The following TNFRSF25 variants were observed in gnomAD, a reference collection of about 807,000 sequenced individuals.
TNFRSF25 encodes TNF receptor superfamily member 25, also known as tumor necrosis factor receptor superfamily member 25.
In TNFRSF25, 28 loss-of-function variants were observed where a neutral mutation model predicts 49.4. The ratio of observed to expected loss-of-function variants is 0.57; its 90% CI spans 0.42 to 0.78. The LOEUF (loss-of-function observed/expected upper bound fraction) is 0.78, where lower values mean the gene tolerates loss of function less well. Among genes scored for constraint, TNFRSF25 ranks in the 30% least tolerant of loss-of-function variants. The pLI, the probability that TNFRSF25 is intolerant of heterozygous loss-of-function variation, is 0.00. For synonymous variants in TNFRSF25, 240 were observed against 234.2 expected (o/e 1.02, Z -0.23); for missense variants, 531 against 581.6 (o/e 0.91, Z 0.90).
Position 6,465,242 on chromosome 1 carries a change from T to A in TNFRSF25, c.161-20A>T, listed in dbSNP as rs767103246. ...AGTGCCCTGTGGAACCAGGCAGGGG[T>A]CAGGCAGGCAGAGGGGCTGCCCAGC... is the stretch of plus-strand genomic sequence containing the variant. On this transcript the variant is annotated intron_variant, in intron 2 of 9. Transcript: ENST00000356876. The A allele has an allele frequency of 1.3e-6, 2 of 1,598,726 alleles. No homozygotes were observed. The highest frequency in any genetic ancestry group is 8.5e-7 in the Non-Finnish European group (1 of 1,173,318).
chr1:6,463,906 GA>G (rs1644256683), intron 5 of TNFRSF25: 2 of 174,724 alleles, frequency 1.1e-5, no homozygotes, highest in African/African-American at 4.8e-5. Flanking sequence ...GCACAGTCCT[GA>G]CTCTCAGCCC....
chr1:6,461,239 C>A lies in TNFRSF25; in HGVS notation c.*195G>T. The A allele has an allele frequency of 4.0e-6, 3 of 755,404 alleles. No homozygotes were observed. The Admixed American group carries it at 6.0e-5, about 15-fold the overall frequency. 46.8% of individuals were successfully genotyped at this position (755,404 alleles called of 1,614,324 possible). A position where few individuals can be genotyped will look rare whatever the true frequency, so the allele number is the denominator to read the frequency against. On this transcript the variant is annotated 3_prime_UTR_variant, in exon 10 of 10. Transcript: ENST00000356876. The surrounding 1 kb of genome is among the most constrained non-coding windows in gnomAD (Gnocchi z 6.3). Reference sequence around the variant, plus strand: ...AGAAGTTGAGAAATGTCTTCACCCCCTCTCGACATTCGTTCGTGCTTCTTC... The same window carrying A: ...AGAAGTTGAGAAATGTCTTCACCCCATCTCGACATTCGTTCGTGCTTCTTC...
At chr1:6,465,901 C>A in intron 1 of TNFRSF25, 168 bp downstream of exon 1, 2 of 1,426,404 alleles carry the variant, frequency 1.4e-6, no homozygotes, top group Non-Finnish European at 1.8e-6. Flanking sequence ...GGGGTTTCCT[C>A]TCAGTGGAAG....
At position 6,461,229 on chromosome 1, in the gene TNFRSF25, T is replaced by A; in HGVS notation, c.*205A>T. ...ACTCCGGCCGAGAAGTTGAGAAATG[T>A]CTTCACCCCCTCTCGACATTCGTTC... On this transcript the variant is annotated 3_prime_UTR_variant, in exon 10 of 10. Coordinates refer to ENST00000356876, the MANE Select transcript of TNFRSF25 (RefSeq NM_003790.3). This position sits in a 1 kb window ranked among gnomAD's most constrained non-coding sequence, Gnocchi z 6.3. 1 of 740,976 alleles carries A rather than the reference T, an allele frequency of 1.3e-6. No homozygotes were observed. The highest frequency in any genetic ancestry group is 2.5e-6 in the Non-Finnish European group (1 of 407,806). 45.9% of individuals were successfully genotyped at this position (740,976 alleles called of 1,614,324 possible). A position where few individuals can be genotyped will look rare whatever the true frequency, so the allele number is the denominator to read the frequency against.
intron 4 of TNFRSF25, 41 bp downstream of exon 4, chr1:6,464,511 A>C: frequency 6.2e-7 from 1 of 1,613,248 alleles, no homozygotes; most frequent in Non-Finnish European, 8.5e-7. Flanking sequence ...GGCAGGGAGA[A>C]GGGGGTCTGG....
At position 6,461,865 on chromosome 1, in the gene TNFRSF25, T is replaced by C; in HGVS notation, c.926-103A>G. On this transcript the variant is annotated intron_variant, in intron 9 of 9. Coordinates refer to ENST00000356876, the MANE Select transcript of TNFRSF25 (RefSeq NM_003790.3). This position sits in a 1 kb window ranked among gnomAD's most constrained non-coding sequence, Gnocchi z 6.3. Reference sequence around the variant, plus strand: ...TACCCCAGGGCTGAAGCCCGCTGGATCCGGTGGGTCAGGGCATAGGGCGGA... The same window carrying C: ...TACCCCAGGGCTGAAGCCCGCTGGACCCGGTGGGTCAGGGCATAGGGCGGA... The C allele has an allele frequency of 2.1e-6, 3 of 1,455,206 alleles. No individual in the cohort carries two copies. The highest frequency in any genetic ancestry group is 1.8e-6 in the Non-Finnish European group (2 of 1,105,608). The allele number at this position is 1,455,206 out of a possible 1,614,324, so 90.1% of individuals were successfully genotyped here.
chr1:6,462,079 G>A lies in TNFRSF25; in HGVS notation c.840C>T (p.Ser280=). ...KICTVQLVGN[S]WTPGYPETQE... Reference sequence around the variant, plus strand: ...GGGTCTCGGGGTAGCCAGGGGTCCAGCTGTTACCCACCAACTGGACGGTGC... The same window carrying A: ...GGGTCTCGGGGTAGCCAGGGGTCCAACTGTTACCCACCAACTGGACGGTGC... Residue 280 remains serine (S), a synonymous_variant, in exon 9 of 10, where the codon AGC becomes AGT. Coordinates refer to ENST00000356876, the MANE Select transcript of TNFRSF25 (RefSeq NM_003790.3). This position sits in a 1 kb window ranked among gnomAD's most constrained non-coding sequence, Gnocchi z 4.2. 2 of 1,613,966 alleles carry A rather than the reference G, an allele frequency of 1.2e-6. No individual in the cohort carries two copies. The highest frequency in any genetic ancestry group is 2.2e-5 in the East Asian group (1 of 44,880).
intron 5 of TNFRSF25, 89 bp from the exon 6 acceptor site, chr1:6,463,216 G>A: frequency 7.5e-7 from 1 of 1,335,160 alleles, no homozygotes; most frequent in South Asian, 1.3e-5. Context: ...CCATCCTAGA[G>A]ACCCTTCCCT....
In TNFRSF25 at chr1:6,464,393, C is replaced by T; in HGVS notation, c.524G>A (p.Gly175Asp). 6.2e-7 allele frequency: 1 copy of T among 1,610,640 alleles called. No individual in the cohort carries two copies. The highest frequency in any genetic ancestry group is 8.5e-7 in the Non-Finnish European group (1 of 1,178,722). The change falls in exon 5 of 10, where the codon GGC becomes GAC. Residue 175 changes from glycine (G) to aspartate (D), a missense_variant. By Grantham distance (94) the Gly-to-Asp change is moderately conservative. Transcript: ENST00000356876. ...CLPGFYEHGD[G>D]CVSCPTSTLG... The stretch of plus-strand genomic sequence containing the variant: ...GAATTACGTGGGGCAGGACACGCAG[C>T]CATCGCCATGTTCATAGAAGCCAGG...
In TNFRSF25 at chr1:6,461,604, C is replaced by G. The variant is rs746134438; in HGVS notation, c.1084G>C (p.Glu362Gln). 4 of 1,610,134 alleles carry G rather than the reference C, an allele frequency of 2.5e-6. No homozygotes were observed. In the South Asian group the frequency reaches 3.3e-5, roughly 13 times the overall value. ...CGGCCGATCTCCACCTCCACGGCTT[C>G]GATCTCTGCCTCGCGCAGCCCCAGC... ...RTLGLREAEIEAVEVEIGRFR... is the reference protein window; with the variant it reads ...RTLGLREAEIQAVEVEIGRFR... Residue 362 changes from glutamate to glutamine, a missense_variant, in exon 10 of 10, where the codon GAA becomes CAA. Glu to Gln is a conservative substitution (Grantham distance 29). Transcript: ENST00000356876. The surrounding 1 kb of genome is among the most constrained non-coding windows in gnomAD (Gnocchi z 6.3).
rs1209167785 is a variant in TNFRSF25, at chr1:6,461,304, G to A, written c.*130C>T. 6.6e-6 allele frequency: 8 copies of A among 1,211,214 alleles called. No individual in the cohort carries two copies. The highest frequency in any genetic ancestry group is 2.0e-5 in the Admixed American group (1 of 48,896). The allele number at this position is 1,211,214 out of a possible 1,614,324, so 75.0% of individuals were successfully genotyped here. ...GATAGGGGCGAGCAGGGGTGGGGCC[G>A]GCTGGTGCTGCTACGCAGGGCCGTG... On this transcript the variant is annotated 3_prime_UTR_variant, in exon 10 of 10. Transcript: ENST00000356876. The surrounding 1 kb of genome is among the most constrained non-coding windows in gnomAD (Gnocchi z 6.3).
intron 3 of TNFRSF25, 150 bp from the exon 4 acceptor site, chr1:6,464,869 A>C: frequency 2.4e-6 from 3 of 1,244,280 alleles, no homozygotes; most frequent in Admixed American, 5.0e-5. Context: ...AGAGAAGCTC[A>C]GAGATTAAGG....
Position 6,461,825 on chromosome 1 carries a change from G to T in TNFRSF25, c.926-63C>A. ...GGCCGCGGTCGGGAGGCAGAGTCAGGGGCGTTCGTGCGGGTACCCCAGGGC... is the reference window on the plus strand; with the variant it reads ...GGCCGCGGTCGGGAGGCAGAGTCAGTGGCGTTCGTGCGGGTACCCCAGGGC... On this transcript the variant is annotated intron_variant, in intron 9 of 9. Transcript: ENST00000356876. The surrounding 1 kb of genome is among the most constrained non-coding windows in gnomAD (Gnocchi z 6.3). 6.8e-7 allele frequency: 1 copy of T among 1,460,216 alleles called. No homozygotes were observed. Among genetic ancestry groups the T allele is most frequent in the South Asian group, 1.4e-5 (1 of 72,662 alleles). The allele number at this position is 1,460,216 out of a possible 1,614,324, so 90.5% of individuals were successfully genotyped here. A position where few individuals can be genotyped will look rare whatever the true frequency, so the allele number is the denominator to read the frequency against.
At chr1:6,465,980 G>A in intron 1 of TNFRSF25, 89 bp downstream of exon 1, 12 of 1,509,512 alleles carry the variant, frequency 7.9e-6, no homozygotes, top group East Asian at 2.6e-5. Flanking sequence ...GTGAGGCTTG[G>A]AGTGGAGACG....
intron 5 of TNFRSF25, chr1:6,463,397 A>G (rs1367872869): frequency 1.0e-5 from 6 of 572,996 alleles, no homozygotes; most frequent in Non-Finnish European, 1.6e-5. Flanking sequence ...CCCAGCACCT[A>G]GAACAGTGTG....
chr1:6,462,946 GC>G lies in TNFRSF25; in HGVS notation c.622del (p.Ala208LeufsTer13). ...RQMFWVQVLL[A>X]GLVVPLLLGA... ...AAGCAGGAGGGGGACCACAAGGCCA[GC>G]CAGGAGCACCTGGACCCAGAACACT... On this transcript the variant is annotated frameshift_variant, in exon 7 of 10. Coordinates refer to ENST00000356876, the MANE Select transcript of TNFRSF25 (RefSeq NM_003790.3). LOFTEE classifies it high-confidence loss of function. The surrounding 1 kb of genome is among the most constrained non-coding windows in gnomAD (Gnocchi z 4.2). 1.2e-6 allele frequency: 2 copies of G among 1,601,034 alleles called. No homozygotes were observed. The highest frequency in any genetic ancestry group is 1.7e-6 in the Non-Finnish European group (2 of 1,173,564).
rs754564271 is a variant in TNFRSF25 at position 6,465,092 on chromosome 1, C to G, written c.291G>C (p.Glu97Asp). 1.9e-6 allele frequency: 3 copies of G among 1,612,672 alleles called. No individual in the cohort carries two copies. The African/African-American group carries it at 4.0e-5, about 21-fold the overall frequency. Residue 97 changes from glutamate (E) to aspartate (D), a missense_variant, in exon 3 of 10, where the codon GAG becomes GAC. Transcript: ENST00000356876. ...SECARCQACD[E>D]QASQVALENC... ...AAGCACTGAGAAGCCCCTCACCCTGCTCATCACAGGCCTGGCAGCGGGCAC... is the reference window on the plus strand; with the variant it reads ...AAGCACTGAGAAGCCCCTCACCCTGGTCATCACAGGCCTGGCAGCGGGCAC...
rs1019253727 is a variant in TNFRSF25 at position 6,465,948 on chromosome 1, A to AG, written c.39+120dup. Reference sequence around the variant, plus strand: ...GGAGGAGCCTTTAACGAGATCGGAAAGGGCGGCCAACCCAGCCCCCAGTGA... The same window carrying AG: ...GGAGGAGCCTTTAACGAGATCGGAAAGGGGCGGCCAACCCAGCCCCCAGTGA... On this transcript the variant is annotated intron_variant, in intron 1 of 9. Coordinates refer to ENST00000356876, the MANE Select transcript of TNFRSF25 (RefSeq NM_003790.3). 1.9e-5 allele frequency: 28 copies of AG among 1,459,198 alleles called. 1 individual carries two copies. Among genetic ancestry groups the AG allele is most frequent in the Middle Eastern group, 3.6e-4 (2 of 5,620 alleles). The allele number at this position is 1,459,198 out of a possible 1,614,324, so 90.4% of individuals were successfully genotyped here. A position where few individuals can be genotyped will look rare whatever the true frequency, so the allele number is the denominator to read the frequency against.
chr1:6,460,842 G>C lies in TNFRSF25; in HGVS notation c.*592C>G, dbSNP rs931877371. The C allele has an allele frequency of 1.9e-5, 5 of 267,684 alleles. No individual in the cohort carries two copies. The South Asian group carries it at 1.9e-4, about 10-fold the overall frequency. The allele number at this position is 267,684 out of a possible 1,614,324, so 16.6% of individuals were successfully genotyped here. On this transcript the variant is annotated 3_prime_UTR_variant, in exon 10 of 10. Transcript: ENST00000356876. ...CCCGGTGGAGTGAATAGAGGATGAGGGGCCCTGACCCTGTGTCTCCAACTG... is the reference window on the plus strand; with the variant it reads ...CCCGGTGGAGTGAATAGAGGATGAGCGGCCCTGACCCTGTGTCTCCAACTG...
Sources: gnomAD v4.1 joint callset for allele counts on GRCh38, gnomAD v4.1.1 for gene constraint, Gnocchi (gnomAD v3.1) non-coding constraint, MANE v1.5 for transcripts, NCBI Gene and HGNC (gene_info 2026-07-23, HGNC 2026-07-21) for gene names.